LTBP1: variants seen among roughly 807,000 people sequenced by gnomAD.
LTBP1 encodes the protein latent-transforming growth factor beta-binding protein 1.
A neutral mutation model predicts 207.6 loss-of-function variants in LTBP1; 129 were observed. The observed-to-expected ratio is 0.62, with a 90% CI of 0.54 to 0.72. LTBP1 has a LOEUF of 0.72. Among genes scored for constraint, LTBP1 ranks in the 30% least tolerant of loss-of-function variants. The pLI, the probability that LTBP1 is intolerant of heterozygous loss-of-function variation, is 0.00. For missense variants in LTBP1, 2,281 were observed against 2,217.2 expected (o/e 1.03, Z -0.58); for synonymous variants, 963 against 833.7 (o/e 1.16, Z -2.67).
chr2:33,314,843 T>C (rs958149500), intron 23 of LTBP1, among the ~76,000 whole-genome samples: 1 of 152,064 alleles, frequency 6.6e-6, no homozygotes, highest in African/African-American at 2.4e-5. Flanking sequence ...TCTCTCAGAG[T>C]TGTGGAGTAT....
intron 19 of LTBP1, among the ~76,000 whole-genome samples, chr2:33,290,853 C>G (rs927049785): frequency 4.6e-5 from 7 of 152,190 alleles, no homozygotes; most frequent in Non-Finnish European, 1.0e-4. Flanking sequence ...GTCCAGTAGA[C>G]TTACCAGCTG....
intron 15 of LTBP1, among the ~76,000 whole-genome samples, chr2:33,271,502 A>C (rs1423601859): frequency 6.6e-6 from 1 of 152,160 alleles, no homozygotes; most frequent in African/African-American, 2.4e-5. Flanking sequence ...AACAGAAGAG[A>C]ATTCTTACCT....
At chr2:33,271,453 C>T (rs1020972387) in intron 15 of LTBP1, among the ~76,000 whole-genome samples, 5 of 152,084 alleles carry the variant, frequency 3.3e-5, no homozygotes, top group African/African-American at 2.4e-5. Context: ...AATATAGAGT[C>T]GTGTGCATCT....
At chr2:33,293,319 A>G (rs2093811719) in intron 20 of LTBP1, 37 bp downstream of exon 20, 1 of 1,574,814 alleles carries the variant, frequency 6.3e-7, no homozygotes, top group Non-Finnish European at 8.6e-7. Flanking sequence ...TTTTATTTAA[A>G]CTTCATTTAA....
chr2:33,163,697 G>A lies in LTBP1; in HGVS notation c.1202-23159G>A, dbSNP rs573891356. Among the ~76,000 whole-genome samples, 18 of 152,208 alleles carry A rather than the reference G, an allele frequency of 1.2e-4. No individual in the cohort carries two copies. In the East Asian group the frequency reaches 3.3e-3, roughly 28 times the overall value. On this transcript the variant is annotated intron_variant, in intron 5 of 33. Transcript: ENST00000404816. Reference sequence around the variant, plus strand: ...GAATTTTATGTGTATTCATACATTTGTATAAATAAAAGAAGCAGCACCTGG... The same window carrying A: ...GAATTTTATGTGTATTCATACATTTATATAAATAAAAGAAGCAGCACCTGG...
At chr2:33,240,851 T>G (rs546738943) in intron 9 of LTBP1, among the ~76,000 whole-genome samples, 1 of 151,838 alleles carries the variant, frequency 6.6e-6, no homozygotes, top group Non-Finnish European at 1.5e-5. Flanking sequence ...GGGGTTTCAC[T>G]GTGTTAGCCA....
intron 4 of LTBP1, among the ~76,000 whole-genome samples, chr2:33,127,668 A>T (rs2081516354): frequency 6.6e-6 from 1 of 152,236 alleles, no homozygotes; most frequent in Non-Finnish European, 1.5e-5. Context: ...CTGAGGCCAA[A>T]GGAAGGTGGG....
chr2:33,097,615 C>A (rs981752273), intron 3 of LTBP1, among the ~76,000 whole-genome samples: 9 of 152,158 alleles, frequency 5.9e-5, no homozygotes, highest in African/African-American at 2.2e-4. Flanking sequence ...GTACCACTCT[C>A]CTTCACAAAT....
chr2:33,173,891 C>G (rs1467842315), intron 5 of LTBP1, among the ~76,000 whole-genome samples: 2 of 141,806 alleles, frequency 1.4e-5, no homozygotes, highest in Non-Finnish European at 3.2e-5. Flanking sequence ...ATAAACAGAA[C>G]CAAAGACAAA....
At chr2:33,044,337 T>C (rs933639444) in intron 3 of LTBP1, among the ~76,000 whole-genome samples, 1 of 152,094 alleles carries the variant, frequency 6.6e-6, no homozygotes, top group African/African-American at 2.4e-5. Context: ...ATTGTTCAAC[T>C]CCCACTTACG....
intron 9 of LTBP1, among the ~76,000 whole-genome samples, chr2:33,240,337 T>C (rs1475227706): frequency 2.0e-5 from 3 of 152,250 alleles, no homozygotes; most frequent in Non-Finnish European, 4.4e-5. Flanking sequence ...TTCCAAACAG[T>C]TGTTAAACTT....
At chr2:33,380,912 G>A in intron 31 of LTBP1, among the ~76,000 whole-genome samples, 1 of 151,942 alleles carries the variant, frequency 6.6e-6, no homozygotes, top group Non-Finnish European at 1.5e-5. Context: ...AAAGTTCTTT[G>A]TATGTATAAC....
intron 31 of LTBP1, among the ~76,000 whole-genome samples, chr2:33,381,440 G>C (rs776219252): frequency 3.3e-5 from 5 of 152,152 alleles, no homozygotes; most frequent in Non-Finnish European, 7.4e-5. Flanking sequence ...GAACGTGGTT[G>C]GTCTATGGCC....
At chr2:33,247,068 T>A (rs2092538011) in intron 10 of LTBP1, among the ~76,000 whole-genome samples, 1 of 152,202 alleles carries the variant, frequency 6.6e-6, no homozygotes, top group Non-Finnish European at 1.5e-5. Flanking sequence ...CTGCTGAGAA[T>A]GTGTCCATAG....
At chr2:33,319,592 C>G (rs1573814361) in intron 24 of LTBP1, among the ~76,000 whole-genome samples, 1 of 152,224 alleles carries the variant, frequency 6.6e-6, no homozygotes, top group East Asian at 1.9e-4. Context: ...CACCTCTTTT[C>G]CATGCCTCCT....
At chr2:33,336,089 A>C (rs974563799) in intron 24 of LTBP1, among the ~76,000 whole-genome samples, 1 of 152,142 alleles carries the variant, frequency 6.6e-6, no homozygotes, top group Non-Finnish European at 1.5e-5. Flanking sequence ...TCTAGATTTC[A>C]AGTATGATGA....
At chr2:33,182,578 C>T (rs2367622) in intron 5 of LTBP1, among the ~76,000 whole-genome samples, 75,014 of 147,262 alleles carry the variant, frequency 0.51, 19,193 homozygotes, top group African/African-American at 0.53. Flanking sequence ...AGGAGAATGG[C>T]ACGAACCCAG....
intron 3 of LTBP1, among the ~76,000 whole-genome samples, chr2:33,101,358 G>A (rs1402564492): frequency 6.6e-6 from 1 of 152,184 alleles, no homozygotes; most frequent in Admixed American, 6.5e-5. Flanking sequence ...AATATTATCA[G>A]AGGGATGAAA....
At chr2:33,378,222 T>TGTGTG (rs751259400) in intron 31 of LTBP1, among the ~76,000 whole-genome samples, 3 of 141,818 alleles carry the variant, frequency 2.1e-5, no homozygotes, top group African/African-American at 5.9e-5. Flanking sequence ...TGTGTGTGTG[T>TGTGTG]TTTGTTTGTT....
Sources: allele counts gnomAD v4.1 joint callset (sites outside exome capture counted in the v4.1 genomes callset), GRCh38; gene constraint gnomAD v4.1.1; transcripts MANE v1.5; gene names NCBI Gene and HGNC (gene_info 2026-07-23, HGNC 2026-07-21).